The following FAT2 variants were observed in gnomAD, a reference collection of about 807,000 sequenced individuals.
FAT2 encodes FAT atypical cadherin 2, also known as protocadherin Fat 2.
A neutral mutation model predicts 295.3 loss-of-function variants in FAT2; 150 were observed. That is an observed-to-expected ratio of 0.51 (90% confidence interval 0.44 to 0.58). The LOEUF (loss-of-function observed/expected upper bound fraction) is 0.58, where lower values mean the gene tolerates loss of function less well. FAT2 is among the 20% of genes least tolerant of loss of function. FAT2 has a pLI of 0.00. For missense variants in FAT2, 4,868 were observed against 5,442.7 expected, an observed-to-expected ratio of 0.89 and a Z score of 3.32; for synonymous variants, 2,026 against 2,150.3, an observed-to-expected ratio of 0.94 and a Z score of 1.60.
chr5:151,593,106 T>C (rs1483928062), upstream of FAT2, among the ~76,000 whole-genome samples: 1 of 151,982 alleles, frequency 6.6e-6, no homozygotes, highest in Non-Finnish European at 1.5e-5. Context: ...GCCCAGGGAG[T>C]TGCAGGGTGA....
At chr5:151,517,319 A>C (rs1752971352) in intron 20 of FAT2, among the ~76,000 whole-genome samples, 1 of 152,138 alleles carries the variant, frequency 6.6e-6, no homozygotes, top group Non-Finnish European at 1.5e-5. Context: ...CTGGCCTATT[A>C]CTCAGCAAAA....
chr5:151,529,407 G>T lies in FAT2; in HGVS notation c.9812-15C>A, dbSNP rs752370484. ...ATACAGGATCCCTGAAGAAGCAAGA[G>T]GTGACAGCAGCAATGAGGCAGTTGG... is the stretch of plus-strand genomic sequence containing the variant. On this transcript the variant is annotated splice_polypyrimidine_tract_variant and intron_variant, in intron 14 of 23. Coordinates refer to ENST00000261800, the MANE Select transcript of FAT2 (RefSeq NM_001447.3). 21 of 1,611,964 alleles carry T rather than the reference G, an allele frequency of 1.3e-5. No homozygotes were observed. Among genetic ancestry groups the T allele is most frequent in the Admixed American group, 8.3e-5 (5 of 60,016 alleles).
rs777920164 is a variant in FAT2, at chr5:151,521,549, C to T, written c.11044G>A (p.Val3682Met). The change falls in exon 19 of 24, where the codon GTG becomes ATG. Residue 3682 changes from valine (V) to methionine (M), a missense_variant. This residue lies in a region of FAT2 where 1,046 missense variants were observed against 1,210.1 expected (regional missense o/e 0.86). Coordinates refer to ENST00000261800, the MANE Select transcript of FAT2 (RefSeq NM_001447.3). ...QPAEAVAGVDVLLVFEGHSGT... is the reference protein window; with the variant it reads ...QPAEAVAGVDMLLVFEGHSGT... The stretch of plus-strand genomic sequence containing the variant: ...GAATGCCCCTCAAAGACCAGGAGCA[C>T]ATCCACACCAGCCACGGCCTCTGCA... 1.6e-5 allele frequency: 26 copies of T among 1,614,190 alleles called. No homozygotes were observed. Among genetic ancestry groups the T allele is most frequent in the South Asian group, 4.4e-5 (4 of 91,082 alleles).
chr5:151,536,276 G>C (rs941424434), intron 12 of FAT2, among the ~76,000 whole-genome samples: 2 of 152,094 alleles, frequency 1.3e-5, no homozygotes, highest in Non-Finnish European at 2.9e-5. Flanking sequence ...GCTGAACAAA[G>C]AGCAGCAGAG....
chr5:151,558,970 C>G (rs1054105353), intron 3 of FAT2, among the ~76,000 whole-genome samples: 1 of 152,166 alleles, frequency 6.6e-6, no homozygotes, highest in African/African-American at 2.4e-5. Context: ...AGCTACTGGT[C>G]GAGGTTAATG....
Position 151,567,862 on chromosome 5 carries a change from A to G in FAT2, c.1070T>C (p.Leu357Pro), listed in dbSNP as rs1758352302. 3 of 1,614,022 alleles carry G rather than the reference A, an allele frequency of 1.9e-6. No individual in the cohort carries two copies. Among genetic ancestry groups the G allele is most frequent in the Non-Finnish European group, 2.5e-6 (3 of 1,180,032 alleles). Residue 357 changes from leucine to proline, a missense_variant, in exon 2 of 24, where the codon CTG (leucine) becomes CCG (proline). Transcript: ENST00000261800. ...IRGFHLPPSK[L>P]SSLKFEKAVY... ...AGCCTTCTCGAATTTGAGGGAAGACAGTTTGGAAGGTGGTAGGTGAAAGCC... is the reference window on the plus strand; with the variant it reads ...AGCCTTCTCGAATTTGAGGGAAGACGGTTTGGAAGGTGGTAGGTGAAAGCC...
At position 151,553,811 on chromosome 5, in the gene FAT2, A is replaced by G. The variant is rs115239648; in HGVS notation, c.3946-424T>C. On this transcript the variant is annotated intron_variant, in intron 5 of 23. Transcript: ENST00000261800. ...CGCAATATCTGATTTAATCCTCACA[A>G]TAACCTTGGAAGAGGTCCTGTTATC... Among the ~76,000 whole-genome samples, 759 of 152,336 alleles carry G rather than the reference A, an allele frequency of 5.0e-3. 7 individuals are homozygous for G. Among genetic ancestry groups the G allele is most frequent in the African/African-American group, 0.018 (739 of 41,576 alleles).
rs767876975 is a variant in FAT2, at chr5:151,527,248, T to C, written c.10294A>G (p.Ser3432Gly). 1.2e-6 allele frequency: 2 copies of C among 1,610,716 alleles called. No individual in the cohort carries two copies. Among genetic ancestry groups the C allele is most frequent in the Non-Finnish European group, 1.7e-6 (2 of 1,178,024 alleles). ...CTCAAGCTTACCTGGACAGTGGTGC[T>C]GTAGTTGAGCTGGAAGAATCTCGGT... Reference protein sequence around the residue: ...NPPRFFQLNYSTTVQENSPIG... With the variant: ...NPPRFFQLNYGTTVQENSPIG... The change falls in exon 17 of 24, where the codon AGC becomes GGC. Residue 3432 changes from serine (S) to glycine (G), a missense_variant. By Grantham distance (56) the Ser-to-Gly change is moderately conservative (BLOSUM62 0). This residue lies in a region of FAT2 where 1,046 missense variants were observed against 1,210.1 expected (regional missense o/e 0.86). Transcript: ENST00000261800.
chr5:151,519,710 T>C (rs1278127466), intron 19 of FAT2, among the ~76,000 whole-genome samples: 2 of 152,326 alleles, frequency 1.3e-5, no homozygotes, highest in Non-Finnish European at 2.9e-5. Flanking sequence ...TGTGTACTTA[T>C]GATACATGAA....
At chr5:151,507,636 G>A (rs568706541) in intron 22 of FAT2, 25 bp from the exon 23 acceptor site, 4 of 1,568,332 alleles carry the variant, frequency 2.6e-6, no homozygotes, top group South Asian at 1.2e-5. Flanking sequence ...TAGTCAGGGG[G>A]CCAAGTCATG....
upstream of FAT2, among the ~76,000 whole-genome samples, chr5:151,594,656 G>T (rs1343408137): frequency 1.3e-5 from 2 of 152,170 alleles, no homozygotes; most frequent in Non-Finnish European, 2.9e-5. Context: ...CCTGGGGAAA[G>T]CTGTCTTCTT....
In FAT2 at chr5:151,563,394, T is replaced by G; in HGVS notation, c.3505A>C (p.Lys1169Gln). ...LDAWDPDSSS[K>Q]GKLTFNITSG... is the part of the protein sequence containing the mutation. ...GTGATGTTGAAGGTCAGCTTCCCTT[T>G]GGAGCTGGAGTCTGGGTCCCAGGCA... Residue 1169 changes from lysine to glutamine, a missense_variant, in exon 3 of 24, where the codon AAA becomes CAA. This residue lies in a region of FAT2 where 3,297 missense variants were observed against 3,669.4 expected (regional missense o/e 0.90). Transcript: ENST00000261800. The G allele has an allele frequency of 6.2e-7, 1 of 1,614,218 alleles. No homozygotes were observed. Among genetic ancestry groups the G allele is most frequent in the South Asian group, 1.1e-5 (1 of 91,086 alleles).
chr5:151,555,448 G>T (rs967694689), intron 4 of FAT2, among the ~76,000 whole-genome samples: 5 of 141,094 alleles, frequency 3.5e-5, no homozygotes, highest in Admixed American at 3.1e-4. Context: ...TCAGCTCACT[G>T]CAACCTCCGT....
intron 10 of FAT2, among the ~76,000 whole-genome samples, chr5:151,542,025 GACA>G (rs1348615038): frequency 6.6e-6 from 1 of 152,176 alleles, no homozygotes; most frequent in Non-Finnish European, 1.5e-5. Flanking sequence ...AAAATAATGA[GACA>G]TACTTTTTGC....
chr5:151,534,281 A>T, intron 13 of FAT2, 128 bp downstream of exon 13: 1 of 626,074 alleles, frequency 1.6e-6, no homozygotes, highest in Non-Finnish European at 2.8e-6. Context: ...TTTTACTTTT[A>T]AGTGTCCCCA....
rs1759398887 is a variant in FAT2 at position 151,591,331 on chromosome 5, C to T, written c.-187G>A. ...GCTGAGAAAGTTGGAGTAGGTGTGTCCCAGCCCAGGAGGAGGAGGAGGAGG... is the reference window on the plus strand; with the variant it reads ...GCTGAGAAAGTTGGAGTAGGTGTGTTCCAGCCCAGGAGGAGGAGGAGGAGG... On this transcript the variant is annotated 5_prime_UTR_variant, in exon 1 of 24. Transcript: ENST00000261800. Among the ~76,000 whole-genome samples the T allele has an allele frequency of 6.6e-6, 1 of 152,120 alleles. No homozygotes were observed. The highest frequency in any genetic ancestry group is 1.5e-5 in the Non-Finnish European group (1 of 68,026).
upstream of FAT2, among the ~76,000 whole-genome samples, chr5:151,593,036 C>T (rs1759472221): frequency 6.6e-6 from 1 of 152,168 alleles, no homozygotes. Flanking sequence ...AGAGGGATTC[C>T]CCACCAGTAG....
rs201231965 is a variant in FAT2, at chr5:151,534,649, G to A, written c.9194-7C>T. On this transcript the variant is annotated splice_polypyrimidine_tract_variant and splice_region_variant and intron_variant, in intron 12 of 23. Coordinates refer to ENST00000261800, the MANE Select transcript of FAT2 (RefSeq NM_001447.3). ...GTGAGTGTGGTCAGCTCCCCTGGTC[G>A]GAGAAATGACAAAAGTTGAGCTTTC... 125 of 1,599,778 alleles carry A rather than the reference G, an allele frequency of 7.8e-5. No homozygotes were observed. The East Asian group carries it at 2.0e-3, about 26-fold the overall frequency.
At chr5:151,528,534 C>T (rs1164885480) in intron 15 of FAT2, among the ~76,000 whole-genome samples, 1 of 152,120 alleles carries the variant, frequency 6.6e-6, no homozygotes, top group Non-Finnish European at 1.5e-5. Flanking sequence ...CCTGAAGGAT[C>T]AGGAGGTTCT....
Sources: allele counts gnomAD v4.1 joint callset (sites outside exome capture counted in the v4.1 genomes callset), GRCh38; gene constraint gnomAD v4.1.1; regional missense constraint gnomAD v4.1.1; transcripts MANE v1.5; gene names NCBI Gene and HGNC (gene_info 2026-07-23, HGNC 2026-07-21).